The following KMT2C variants were observed in gnomAD, a reference collection of about 807,000 sequenced individuals.
The protein encoded by KMT2C is histone-lysine N-methyltransferase 2C.
In KMT2C, 88 loss-of-function variants were observed where a neutral mutation model predicts 507.9. The observed-to-expected ratio is 0.17, with a 90% CI of 0.15 to 0.21. KMT2C has a LOEUF of 0.21. Among genes scored for constraint, KMT2C ranks in the 10% least tolerant of loss-of-function variants. The pLI is 1.00. For synonymous variants in KMT2C, 2,049 were observed against 2,080.8 expected, an observed-to-expected ratio of 0.98 and a Z score of 0.42; for missense variants, 4,954 against 5,957.8, an observed-to-expected ratio of 0.83 and a Z score of 5.55.
At chr7:152,344,842 C>G (rs2097039754) in intron 2 of KMT2C, among the ~76,000 whole-genome samples, 1 of 152,042 alleles carries the variant, frequency 6.6e-6, no homozygotes, top group Non-Finnish European at 1.5e-5. Flanking sequence ...TAAAAATTAG[C>G]TGGGCAGGAA....
chr7:152,325,240 C>A (rs1474053982), intron 3 of KMT2C, among the ~76,000 whole-genome samples: 1 of 151,802 alleles, frequency 6.6e-6, no homozygotes, highest in Non-Finnish European at 1.5e-5. Context: ...CAACGTCCAC[C>A]TCCCAGGTTC....
chr7:152,429,165 C>G (rs549976431), intron 1 of KMT2C, among the ~76,000 whole-genome samples: 1 of 152,256 alleles, frequency 6.6e-6, no homozygotes, highest in South Asian at 2.1e-4. Context: ...CCCCTCTAGG[C>G]CACAATAAAT....
chr7:152,326,996 G>C (rs2096834968), intron 3 of KMT2C, among the ~76,000 whole-genome samples: 1 of 152,200 alleles, frequency 6.6e-6, no homozygotes, highest in Admixed American at 6.5e-5. Context: ...TCGGAGCTTG[G>C]AATAAACACC....
intron 39 of KMT2C, among the ~76,000 whole-genome samples, chr7:152,172,395 A>G (rs1249024250): frequency 1.3e-5 from 2 of 152,220 alleles, no homozygotes; most frequent in Non-Finnish European, 2.9e-5. Flanking sequence ...TCTGAGGTCC[A>G]TATTTAAAAC....
intron 6 of KMT2C, among the ~76,000 whole-genome samples, chr7:152,304,035 AT>A (rs146261627): frequency 0.027 from 4,114 of 152,244 alleles, 127 homozygotes; most frequent in Non-Finnish European, 0.033. Flanking sequence ...TCCACTGAGA[AT>A]GTATAATAAA....
At chr7:152,389,745 C>A (rs1002039840) in intron 1 of KMT2C, among the ~76,000 whole-genome samples, 3 of 151,954 alleles carry the variant, frequency 2.0e-5, no homozygotes, top group African/African-American at 7.3e-5. Context: ...TCGGCCTACA[C>A]GAACTTTTTT....
intron 1 of KMT2C, among the ~76,000 whole-genome samples, chr7:152,374,919 A>C (rs2129243760): frequency 6.6e-6 from 1 of 152,226 alleles, no homozygotes; most frequent in African/African-American, 2.4e-5. Flanking sequence ...GAAAAACACA[A>C]GGAAAAAAAT....
At chr7:152,396,274 A>G (rs1178185788) in intron 1 of KMT2C, among the ~76,000 whole-genome samples, 5 of 152,220 alleles carry the variant, frequency 3.3e-5, no homozygotes, top group Admixed American at 2.0e-4. Context: ...TTCCCAAAAG[A>G]TATTTTGACA....
At chr7:152,182,634 A>C (rs960807165) in intron 35 of KMT2C, 40 bp from the exon 36 acceptor site, 11 of 1,497,340 alleles carry the variant, frequency 7.3e-6, no homozygotes, top group Non-Finnish European at 8.0e-6. Flanking sequence ...TATTTAGGTT[A>C]AGGAAGAAAA....
intron 41 of KMT2C, 55 bp downstream of exon 41, chr7:152,169,129 CAT>C: frequency 9.2e-7 from 1 of 1,083,244 alleles, no homozygotes; most frequent in Non-Finnish European, 1.4e-6. Context: ...GAACAGCACA[CAT>C]AGAGTGCAGA....
At chr7:152,248,896 T>A (rs1354554239) in intron 13 of KMT2C, among the ~76,000 whole-genome samples, 4 of 152,174 alleles carry the variant, frequency 2.6e-5, no homozygotes, top group Non-Finnish European at 5.9e-5. Context: ...ACTCATTTTT[T>A]AGTTAAGAAA....
intron 39 of KMT2C, among the ~76,000 whole-genome samples, chr7:152,173,158 T>C (rs1563239888): frequency 6.6e-6 from 1 of 152,184 alleles, no homozygotes; most frequent in African/African-American, 2.4e-5. Context: ...CAAAAATGCT[T>C]CTTAACCATG....
chr7:152,232,781 A>C (rs1189122892), intron 16 of KMT2C, among the ~76,000 whole-genome samples: 3 of 152,198 alleles, frequency 2.0e-5, no homozygotes, highest in Non-Finnish European at 2.9e-5. Flanking sequence ...ATCAGTAAGA[A>C]ATTAAGTGAC....
At chr7:152,360,098 A>C (rs995785823) in intron 1 of KMT2C, among the ~76,000 whole-genome samples, 2 of 150,724 alleles carry the variant, frequency 1.3e-5, no homozygotes, top group Non-Finnish European at 3.0e-5. Context: ...AATATGAAAT[A>C]AAAGAATAAT....
At chr7:152,393,545 A>T (rs1264587191) in intron 1 of KMT2C, among the ~76,000 whole-genome samples, 2 of 152,190 alleles carry the variant, frequency 1.3e-5, no homozygotes, top group Non-Finnish European at 2.9e-5. Context: ...GGCTGCAAGG[A>T]ACATCCTTGC....
At chr7:152,394,376 A>G (rs2097524181) in intron 1 of KMT2C, among the ~76,000 whole-genome samples, 1 of 152,308 alleles carries the variant, frequency 6.6e-6, no homozygotes, top group South Asian at 2.1e-4. Context: ...TGTTTTCTCC[A>G]TAACTCAGCT....
intron 23 of KMT2C, among the ~76,000 whole-genome samples, chr7:152,208,960 G>T (rs902151469): frequency 4.7e-5 from 7 of 149,984 alleles, no homozygotes; most frequent in Non-Finnish European, 1.0e-4. Flanking sequence ...GAGGTCAGGA[G>T]TTCCGTACCA....
intron 18 of KMT2C, among the ~76,000 whole-genome samples, chr7:152,225,089 T>C (rs1210205423): frequency 3.9e-5 from 6 of 152,204 alleles, no homozygotes; most frequent in South Asian, 2.1e-4. Context: ...ATTTAGACTA[T>C]GAAGCTAGGA....
intron 18 of KMT2C, among the ~76,000 whole-genome samples, chr7:152,226,946 G>A (rs1259017876): frequency 2.0e-5 from 3 of 152,224 alleles, no homozygotes; most frequent in African/African-American, 7.2e-5. Context: ...GTGGCAGACA[G>A]ATCTGAGGTG....
Sources: allele counts gnomAD v4.1 joint callset (sites outside exome capture counted in the v4.1 genomes callset), GRCh38; gene constraint gnomAD v4.1.1; transcripts MANE v1.5; gene names NCBI Gene and HGNC (gene_info 2026-07-23, HGNC 2026-07-21).